CDC25A: variants seen among roughly 807,000 people sequenced by gnomAD.
CDC25A encodes M-phase inducer phosphatase 1.
In CDC25A, 17 loss-of-function variants were observed where a neutral mutation model predicts 64.6. That is an observed-to-expected ratio of 0.26 (90% CI 0.18 to 0.39). The LOEUF (loss-of-function observed/expected upper bound fraction) is 0.39. Ranked by LOEUF, CDC25A falls within the 10% of genes least tolerant of loss-of-function variation. CDC25A has a pLI of 1.00. For synonymous variants in CDC25A, 229 were observed against 238.6 expected (o/e 0.96, Z 0.37); for missense variants, 473 against 654.8 (o/e 0.72, Z 3.03).
At chr3:48,161,732 G>T (rs1292888878) in intron 13 of CDC25A, among the ~76,000 whole-genome samples, 1 of 151,984 alleles carries the variant, frequency 6.6e-6, no homozygotes, top group Non-Finnish European at 1.5e-5. Flanking sequence ...AAAGAGAGCA[G>T]CATCTTTTGT....
chr3:48,168,061 G>T, intron 9 of CDC25A, 117 bp from the exon 10 acceptor site: 2 of 590,480 alleles, frequency 3.4e-6, no homozygotes, highest in Non-Finnish European at 6.1e-6. Context: ...TTAGTAAGAA[G>T]TTTTTATTTT....
chr3:48,164,576 T>A, intron 12 of CDC25A, 139 bp from the exon 13 acceptor site: 1 of 721,082 alleles, frequency 1.4e-6, no homozygotes, highest in Non-Finnish European at 2.1e-6. Context: ...TCTAGCTGAA[T>A]AGCCCAGTAG....
chr3:48,188,103 C>T lies in CDC25A; in HGVS notation c.-156G>A. 1 of 556,000 alleles carries T rather than the reference C, an allele frequency of 1.8e-6. No homozygotes were observed. The allele number at this position is 556,000 out of a possible 1,614,324, so 34.4% of individuals were successfully genotyped here. ...GGTTCAGGGACGCGGCTGCCGCGGGCAAGCGGCGCGGCCGGGCGGGTGTGC... is the reference window on the plus strand; with the variant it reads ...GGTTCAGGGACGCGGCTGCCGCGGGTAAGCGGCGCGGCCGGGCGGGTGTGC... On this transcript the variant is annotated 5_prime_UTR_variant, in exon 1 of 15. Coordinates refer to ENST00000302506, the MANE Select transcript of CDC25A (RefSeq NM_001789.3).
intron 9 of CDC25A, among the ~76,000 whole-genome samples, chr3:48,172,392 C>T (rs948755595): frequency 1.3e-5 from 2 of 152,160 alleles, no homozygotes; most frequent in Non-Finnish European, 2.9e-5. Flanking sequence ...CCTTTTCATG[C>T]CACAGAAAAC....
intron 13 of CDC25A, among the ~76,000 whole-genome samples, chr3:48,161,858 C>G (rs998248825): frequency 2.2e-4 from 33 of 151,622 alleles, no homozygotes; most frequent in African/African-American, 8.0e-4. Flanking sequence ...GTCAGGAGTT[C>G]GAGACCAGCC....
intron 1 of CDC25A, 64 bp downstream of exon 1, chr3:48,187,714 T>C (rs1050472085): frequency 2.7e-6 from 4 of 1,459,004 alleles, no homozygotes; most frequent in African/African-American, 1.5e-5. Flanking sequence ...TTTCCTGGCC[T>C]GATCTCTCCG....
In CDC25A at chr3:48,157,625, A is replaced by T. The variant is rs532342450; in HGVS notation, c.*1320T>A. 12 of 152,778 alleles carry T rather than the reference A, an allele frequency of 7.9e-5. No individual in the cohort carries two copies. The East Asian group carries it at 2.3e-3, about 29-fold the overall frequency. The allele number at this position is 152,778 out of a possible 1,614,324, so 9.5% of individuals were successfully genotyped here. On this transcript the variant is annotated 3_prime_UTR_variant, in exon 15 of 15. Coordinates refer to ENST00000302506, the MANE Select transcript of CDC25A (RefSeq NM_001789.3). Reference sequence around the variant, plus strand: ...AATGAAGTCTGCCCCAGCTCCTTGGATGAGGTGTTCTTTTGAAATTCCCAC... The same window carrying T: ...AATGAAGTCTGCCCCAGCTCCTTGGTTGAGGTGTTCTTTTGAAATTCCCAC...
chr3:48,183,461 G>A (rs946396044), intron 4 of CDC25A, among the ~76,000 whole-genome samples: 2 of 152,168 alleles, frequency 1.3e-5, no homozygotes, highest in Non-Finnish European at 2.9e-5. Flanking sequence ...TTGGGAGGCC[G>A]AGGCAGGAGT....
intron 1 of CDC25A, 151 bp from the exon 2 acceptor site, chr3:48,186,930 T>C: frequency 1.7e-6 from 1 of 598,770 alleles, no homozygotes; most frequent in East Asian, 2.9e-5. Flanking sequence ...ACTTTGCCAC[T>C]CTGAACACCC....
intron 8 of CDC25A, among the ~76,000 whole-genome samples, chr3:48,176,531 GTA>G (rs55938075): frequency 0.13 from 17,542 of 137,830 alleles, 1,778 homozygotes; most frequent in African/African-American, 0.28. Context: ...GTGTGTGTGA[GTA>G]TATATATATA....
rs58104019 is a variant in CDC25A at position 48,168,360 on chromosome 3, CCACACACACACACACACACACA to C, written c.931-438_931-417del. On this transcript the variant is annotated intron_variant, in intron 9 of 14. Transcript: ENST00000302506. ...ACCAGATCAAAGAGCAAGACCCTGTCCACACACACACACACACACACACACACACACACACACACACACACAC... is the reference window on the plus strand; with the variant it reads ...ACCAGATCAAAGAGCAAGACCCTGTCCACACACACACACACACACACACAC... Among the ~76,000 whole-genome samples, 493 of 106,604 alleles carry C rather than the reference CCACACACACACACACACACACA, an allele frequency of 4.6e-3. 3 individuals are homozygous for C. The highest frequency in any genetic ancestry group is 0.018 in the African/African-American group (463 of 26,108). 69.9% of individuals were successfully genotyped at this position (106,604 alleles called of 152,430 possible). A position where few individuals can be genotyped will look rare whatever the true frequency, so the allele number is the denominator to read the frequency against.
At chr3:48,170,372 C>G (rs1414518531) in intron 9 of CDC25A, among the ~76,000 whole-genome samples, 1 of 152,158 alleles carries the variant, frequency 6.6e-6, no homozygotes, top group Non-Finnish European at 1.5e-5. Context: ...AGTAGGGGTT[C>G]CCATGACCCC....
chr3:48,180,224 C>T (rs188662672), intron 6 of CDC25A: 1 of 152,586 alleles, frequency 6.6e-6, no homozygotes, highest in Admixed American at 6.5e-5. Context: ...TGGCCCATAA[C>T]TGTTCTTAAC....
intron 13 of CDC25A, 66 bp from the exon 14 acceptor site, chr3:48,159,521 C>T: frequency 9.4e-7 from 1 of 1,060,352 alleles, no homozygotes; most frequent in South Asian, 1.3e-5. Context: ...GCAACGCAGT[C>T]AAAGCAGCAG....
chr3:48,176,560 A>AT (rs1367190241), intron 8 of CDC25A, among the ~76,000 whole-genome samples: 3 of 133,864 alleles, frequency 2.2e-5, no homozygotes, highest in Non-Finnish European at 5.0e-5. Flanking sequence ...TATATATATA[A>AT]AATATATATT....
chr3:48,181,626 A>G, intron 5 of CDC25A: 2 of 1,381,106 alleles, frequency 1.4e-6, no homozygotes, highest in Non-Finnish European at 2.1e-6. Context: ...ACTGGATGTT[A>G]TTTAGACAGA....
chr3:48,175,462 G>C (rs2032421753), intron 8 of CDC25A, among the ~76,000 whole-genome samples: 1 of 152,146 alleles, frequency 6.6e-6, no homozygotes, highest in South Asian at 2.1e-4. Flanking sequence ...TCACATCTCA[G>C]TAAACCATTC....
chr3:48,161,934 A>T (rs2031783839), intron 13 of CDC25A, among the ~76,000 whole-genome samples: 1 of 151,984 alleles, frequency 6.6e-6, no homozygotes, highest in African/African-American at 2.4e-5. Flanking sequence ...GGTGGCATGC[A>T]CCCGTAGTCC....
chr3:48,164,971 G>A (rs1019314916), intron 12 of CDC25A, among the ~76,000 whole-genome samples: 1 of 151,178 alleles, frequency 6.6e-6, no homozygotes, highest in Non-Finnish European at 1.5e-5. Flanking sequence ...TTAGCCGGGC[G>A]TGGCAGCGTG....
Sources: allele counts gnomAD v4.1 joint callset (sites outside exome capture counted in the v4.1 genomes callset), GRCh38; gene constraint gnomAD v4.1.1; transcripts MANE v1.5; gene names NCBI Gene and HGNC (gene_info 2026-07-23, HGNC 2026-07-21).